CCDC60: variants seen among roughly 807,000 people sequenced by gnomAD.
The protein encoded by CCDC60 is coiled-coil domain-containing protein 60.
Under a neutral mutation model 63.5 loss-of-function variants are expected in CCDC60, and 54 were observed. That is an observed-to-expected ratio of 0.85 (90% CI 0.68 to 1.07). The LOEUF is 1.07. Ranked by LOEUF, CCDC60 falls within the 50% of genes least tolerant of loss-of-function variation. The pLI is 0.00. For synonymous variants in CCDC60, 206 were observed against 238.8 expected (o/e 0.86, Z 1.27); for missense variants, 651 against 684.3 (o/e 0.95, Z 0.54).
intron 3 of CCDC60, among the ~76,000 whole-genome samples, chr12:119,476,437 TAA>T (rs1951179908): frequency 1.3e-5 from 2 of 152,268 alleles, no homozygotes; most frequent in Non-Finnish European, 2.9e-5. Flanking sequence ...TAGGATTGAA[TAA>T]AGAGTCAGTG....
chr12:119,531,408 T>C (rs1040953330), intron 13 of CCDC60, among the ~76,000 whole-genome samples: 11 of 152,192 alleles, frequency 7.2e-5, no homozygotes, highest in African/African-American at 2.7e-4. Flanking sequence ...ATTGCAGGTT[T>C]CAAGTCAATC....
intron 2 of CCDC60, among the ~76,000 whole-genome samples, chr12:119,435,858 A>G (rs762077173): frequency 6.6e-5 from 10 of 152,200 alleles, no homozygotes; most frequent in Admixed American, 2.6e-4. Context: ...ACCTGTAATC[A>G]GCTGAGGATC....
At chr12:119,409,460 T>C (rs1956554122) in intron 1 of CCDC60, among the ~76,000 whole-genome samples, 1 of 152,184 alleles carries the variant, frequency 6.6e-6, no homozygotes, top group Admixed American at 6.5e-5. Context: ...GGTTATCTAC[T>C]GAAGGTCTCC....
At chr12:119,508,879 G>T (rs1308567373) in intron 7 of CCDC60, among the ~76,000 whole-genome samples, 1 of 151,950 alleles carries the variant, frequency 6.6e-6, no homozygotes, top group African/African-American at 2.4e-5. Context: ...AATAAGAAGA[G>T]TAGAGCGATA....
At chr12:119,455,096 G>A (rs765430922) in intron 2 of CCDC60, among the ~76,000 whole-genome samples, 2 of 150,248 alleles carry the variant, frequency 1.3e-5, no homozygotes, top group Non-Finnish European at 3.0e-5. Context: ...AGGCAGCTGG[G>A]AAATATAGTT....
rs1956574517 is a variant in CCDC60, at chr12:119,410,402, A to C, written c.91-18281A>C. Among the ~76,000 whole-genome samples, 1 of 152,196 alleles carries C rather than the reference A, an allele frequency of 6.6e-6. No individual in the cohort carries two copies. The highest frequency in any genetic ancestry group is 6.5e-5 in the Admixed American group (1 of 15,274). ...TTGCTTTAAAAAAACTAAAGTAATA[A>C]AAAATGAAATGACAGAAAACTCAGT... On this transcript the variant is annotated intron_variant, in intron 1 of 13. Transcript: ENST00000327554. This position sits in a 1 kb window ranked among gnomAD's most constrained non-coding sequence, Gnocchi z 4.0.
chr12:119,407,017 A>G (rs1221016308), intron 1 of CCDC60, among the ~76,000 whole-genome samples: 1 of 152,206 alleles, frequency 6.6e-6, no homozygotes, highest in Non-Finnish European at 1.5e-5. Context: ...TCTTCTTGTC[A>G]TGAGAGGTGC....
intron 5 of CCDC60, among the ~76,000 whole-genome samples, chr12:119,496,203 G>A (rs1951712299): frequency 6.6e-6 from 1 of 152,194 alleles, no homozygotes; most frequent in South Asian, 2.1e-4. Context: ...GGACATATGA[G>A]CACGTCCTAA....
At chr12:119,486,825 C>T (rs1274555642) in intron 4 of CCDC60, among the ~76,000 whole-genome samples, 1 of 151,840 alleles carries the variant, frequency 6.6e-6, no homozygotes, top group African/African-American at 2.4e-5. Context: ...TGGGTATCAC[C>T]TTCTGAAGTG....
At chr12:119,522,813 T>C in intron 9 of CCDC60, 126 bp from the exon 10 acceptor site, 1 of 816,326 alleles carries the variant, frequency 1.2e-6, no homozygotes, top group Non-Finnish European at 2.2e-6. Context: ...CTGTGACTGG[T>C]GCCTTGATTA....
At chr12:119,516,415 T>C (rs1007314692) in intron 7 of CCDC60, among the ~76,000 whole-genome samples, 1 of 152,198 alleles carries the variant, frequency 6.6e-6, no homozygotes, top group African/African-American at 2.4e-5. Flanking sequence ...GAACCACTGA[T>C]GGGTTTTAAG....
rs143258358 is a variant in CCDC60, at chr12:119,531,036, C to A, written c.1524C>A (p.Cys508Ter). 1 of 1,613,996 alleles carries A rather than the reference C, an allele frequency of 6.2e-7. No individual in the cohort carries two copies. Among genetic ancestry groups the A allele is most frequent in the African/African-American group, 1.3e-5 (1 of 74,936 alleles). Residue 508 changes from cysteine (C) to a stop codon, truncating the protein, a stop_gained, in exon 13 of 14, where the codon TGC (cysteine) becomes TGA (stop). Transcript: ENST00000327554. LOFTEE classifies it high-confidence loss of function. ...VLQDLRIWEL[C>*]SPDIAVAIEF... The stretch of plus-strand genomic sequence containing the variant: ...AGGATCTGAGGATTTGGGAACTGTG[C>A]TCCCCTGACATCGCTGTGGCTATTG...
Position 119,451,403 on chromosome 12 carries a change from C to T in CCDC60, c.171-20591C>T, listed in dbSNP as rs923327537. Among the ~76,000 whole-genome samples, 11 of 152,178 alleles carry T rather than the reference C, an allele frequency of 7.2e-5. No homozygotes were observed. The East Asian group carries it at 1.7e-3, about 24-fold the overall frequency. On this transcript the variant is annotated intron_variant, in intron 2 of 13. Coordinates refer to ENST00000327554, the MANE Select transcript of CCDC60 (RefSeq NM_178499.5). ...TCCAGAGACCCCCACCCAGCCCCACCCCAACCCCTGCACCATTATTGTCCT... is the reference window on the plus strand; with the variant it reads ...TCCAGAGACCCCCACCCAGCCCCACTCCAACCCCTGCACCATTATTGTCCT...
intron 12 of CCDC60, among the ~76,000 whole-genome samples, chr12:119,529,785 G>A (rs1166580902): frequency 1.3e-5 from 2 of 152,150 alleles, no homozygotes; most frequent in Non-Finnish European, 2.9e-5. Flanking sequence ...TTTGGGGGGA[G>A]GAGGAAAGGT....
intron 6 of CCDC60, 137 bp downstream of exon 6, chr12:119,500,305 A>T (rs921929895): frequency 9.2e-6 from 6 of 655,544 alleles, no homozygotes; most frequent in Non-Finnish European, 1.6e-5. Flanking sequence ...TCAGAGCCAC[A>T]GGCTGTTGGA....
chr12:119,358,968 T>C (rs1955744834), intron 1 of CCDC60, among the ~76,000 whole-genome samples: 2 of 152,318 alleles, frequency 1.3e-5, no homozygotes, highest in East Asian at 3.9e-4. Context: ...GTGGAATTGC[T>C]GGCCAGAGGA....
At chr12:119,496,858 G>T (rs1951725583) in intron 5 of CCDC60, among the ~76,000 whole-genome samples, 1 of 152,188 alleles carries the variant, frequency 6.6e-6, no homozygotes, top group South Asian at 2.1e-4. Context: ...GATACTCGGA[G>T]ACTTGCCCGA....
At chr12:119,538,326 C>A (rs375010752) in intron 13 of CCDC60, among the ~76,000 whole-genome samples, 51 of 152,352 alleles carry the variant, frequency 3.3e-4, no homozygotes, top group African/African-American at 1.2e-3. Context: ...TCTGTCCCGG[C>A]TTCCCTTGGC....
chr12:119,358,015 G>A (rs1420155706), intron 1 of CCDC60, among the ~76,000 whole-genome samples: 3 of 152,072 alleles, frequency 2.0e-5, no homozygotes, highest in Admixed American at 1.3e-4. Context: ...AAGAAAGTGG[G>A]GGGCAAGGCG....
Sources: allele counts gnomAD v4.1 joint callset (sites outside exome capture counted in the v4.1 genomes callset), GRCh38; gene constraint gnomAD v4.1.1; non-coding constraint Gnocchi (gnomAD v3.1); transcripts MANE v1.5; gene names NCBI Gene and HGNC (gene_info 2026-07-23, HGNC 2026-07-21).